PRRX2: variants seen among roughly 807,000 people sequenced by gnomAD.
PRRX2 encodes the protein paired mesoderm homeobox protein 2.
Under a neutral mutation model 18.0 loss-of-function variants are expected in PRRX2, and 11 were observed. The observed-to-expected ratio is 0.61, with a 90% CI of 0.39 to 1.01. The LOEUF (loss-of-function observed/expected upper bound fraction) is 1.01, where lower values mean the gene tolerates loss of function less well. Ranked by LOEUF, PRRX2 falls within the 50% of genes least tolerant of loss-of-function variation. The probability of loss-of-function intolerance (pLI) is 0.01; values close to 1 mark genes in which losing one functional copy is unlikely to be tolerated. For missense variants in PRRX2, 387 were observed against 351.0 expected (o/e 1.10, Z -0.82); for synonymous variants, 177 against 154.8 (o/e 1.14, Z -1.06).
At chr9:129,719,104 G>C in intron 1 of PRRX2, 127 bp from the exon 2 acceptor site, 1 of 872,372 alleles carries the variant, frequency 1.1e-6, no homozygotes, top group Non-Finnish European at 1.7e-6. Flanking sequence ...ATGAGGGAGT[G>C]AATTAAAGGG....
rs750981577 is a variant in PRRX2 at position 129,719,433 on chromosome 9, C to T, written c.447+15C>T. ...CGCGCGTTCAGGTGAGCGCTCAGTC[C>T]CGGGCCTCCCGTGGGAGCGTGCGCG... is the stretch of plus-strand genomic sequence containing the variant. On this transcript the variant is annotated intron_variant, in intron 2 of 3. Coordinates refer to ENST00000372469, the MANE Select transcript of PRRX2 (RefSeq NM_016307.4). The T allele has an allele frequency of 1.3e-6, 2 of 1,498,396 alleles. No individual in the cohort carries two copies. The highest frequency in any genetic ancestry group is 2.5e-5 in the South Asian group (2 of 79,130). The allele number at this position is 1,498,396 out of a possible 1,614,324, so 92.8% of individuals were successfully genotyped here. A position where few individuals can be genotyped will look rare whatever the true frequency, so the allele number is the denominator to read the frequency against.
chr9:129,666,768 G>C (rs1832031831), intron 1 of PRRX2, among the ~76,000 whole-genome samples: 1 of 152,192 alleles, frequency 6.6e-6, no homozygotes, highest in Admixed American at 6.5e-5. Flanking sequence ...GAGGGACGGG[G>C]AGAAGATGGA....
At chr9:129,720,491 A>G in intron 2 of PRRX2, 105 bp from the exon 3 acceptor site, 6 of 1,120,986 alleles carry the variant, frequency 5.4e-6, no homozygotes, top group South Asian at 1.7e-5. Flanking sequence ...CAGAGAGGTG[A>G]CGCTGCCAGC....
intron 1 of PRRX2, among the ~76,000 whole-genome samples, chr9:129,711,794 C>A (rs1205597912): frequency 6.6e-6 from 1 of 152,172 alleles, no homozygotes; most frequent in Non-Finnish European, 1.5e-5. Flanking sequence ...AGAGCCAGAC[C>A]CGGACCGGCC....
chr9:129,672,085 TC>T (rs1832106992), intron 1 of PRRX2, among the ~76,000 whole-genome samples: 1 of 152,112 alleles, frequency 6.6e-6, no homozygotes, highest in Non-Finnish European at 1.5e-5. Context: ...TTGGGGCACT[TC>T]CGTGGTTTCC....
chr9:129,701,495 C>T (rs759199988), intron 1 of PRRX2, among the ~76,000 whole-genome samples: 5 of 152,176 alleles, frequency 3.3e-5, no homozygotes, highest in African/African-American at 1.2e-4. Context: ...TCCAGGAAAG[C>T]GGGATATGGT....
intron 1 of PRRX2, among the ~76,000 whole-genome samples, chr9:129,700,959 T>C (rs1372493080): frequency 6.6e-6 from 1 of 152,178 alleles, no homozygotes; most frequent in East Asian, 1.9e-4. Context: ...CTGACCAACT[T>C]GGTAGCAAAA....
chr9:129,687,028 A>AG (rs1177731028), intron 1 of PRRX2, among the ~76,000 whole-genome samples: 2 of 152,062 alleles, frequency 1.3e-5, no homozygotes, highest in Non-Finnish European at 2.9e-5. Flanking sequence ...CCTGCAGGGA[A>AG]GCCCCCTGCA....
intron 1 of PRRX2, among the ~76,000 whole-genome samples, chr9:129,703,200 A>G (rs4837401): frequency 0.056 from 8,548 of 152,330 alleles, 463 homozygotes; most frequent in East Asian, 0.19. Flanking sequence ...AGGCTGAGAC[A>G]TAGCAGGGGA....
chr9:129,684,532 ACC>A lies in PRRX2; in HGVS notation c.259+18409_259+18410del, dbSNP rs1554723052. 6.6e-4 allele frequency among the ~76,000 whole-genome samples: 92 copies of A among 140,368 alleles called. 6 individuals carry two copies. Among genetic ancestry groups the A allele is most frequent in the African/African-American group, 2.5e-3 (88 of 34,988 alleles). The allele number at this position is 140,368 out of a possible 152,430, so 92.1% of individuals were successfully genotyped here. On this transcript the variant is annotated intron_variant, in intron 1 of 3. Transcript: ENST00000372469. The stretch of plus-strand genomic sequence containing the variant: ...CACACACACACACACACCCACACAC[ACC>A]CCAACAGAAAAGAGACCAGAAATCT...
At chr9:129,718,716 C>T (rs1170790769) in intron 1 of PRRX2, 1 of 152,400 alleles carries the variant, frequency 6.6e-6, no homozygotes, top group African/African-American at 2.4e-5. Flanking sequence ...TGGGAGCTTC[C>T]TAGAATCTGT....
chr9:129,690,040 C>T (rs1344806634), intron 1 of PRRX2, among the ~76,000 whole-genome samples: 1 of 151,990 alleles, frequency 6.6e-6, no homozygotes, highest in Non-Finnish European at 1.5e-5. Context: ...CGTGAGCCAC[C>T]GCGCCTGGCC....
In PRRX2 at chr9:129,695,525, G is replaced by A. The variant is rs1832410095; in HGVS notation, c.260-23706G>A. Among the ~76,000 whole-genome samples, 1 of 152,134 alleles carries A rather than the reference G, an allele frequency of 6.6e-6. No homozygotes were observed. Among genetic ancestry groups the A allele is most frequent in the Non-Finnish European group, 1.5e-5 (1 of 68,032 alleles). The stretch of plus-strand genomic sequence containing the variant: ...CTTGTTGTGTTTACCCCCTTTTCAG[G>A]CCTGCTGGGGAAGGGCTCAGTCTTA... On this transcript the variant is annotated intron_variant, in intron 1 of 3. Coordinates refer to ENST00000372469, the MANE Select transcript of PRRX2 (RefSeq NM_016307.4). The surrounding 1 kb of genome is among the most constrained non-coding windows in gnomAD (Gnocchi z 4.8).
chr9:129,677,191 G>A (rs1328670771), intron 1 of PRRX2, among the ~76,000 whole-genome samples: 3 of 152,236 alleles, frequency 2.0e-5, no homozygotes, highest in Non-Finnish European at 2.9e-5. Flanking sequence ...CGCCCCCAGC[G>A]ATCCCGTTCT....
At chr9:129,676,741 G>A (rs974548273) in intron 1 of PRRX2, among the ~76,000 whole-genome samples, 4 of 152,226 alleles carry the variant, frequency 2.6e-5, no homozygotes, top group Admixed American at 6.5e-5. Flanking sequence ...GCCTCCAGAT[G>A]CAGACATCAT....
chr9:129,669,724 A>C (rs1273172839), intron 1 of PRRX2, among the ~76,000 whole-genome samples: 2 of 152,112 alleles, frequency 1.3e-5, no homozygotes, highest in African/African-American at 4.8e-5. Context: ...GCATCTGTTC[A>C]TAGGGGTGGG....
Position 129,709,377 on chromosome 9 carries a change from T to G in PRRX2, c.260-9854T>G, listed in dbSNP as rs1832592931. Among the ~76,000 whole-genome samples the G allele has an allele frequency of 6.6e-6, 1 of 152,088 alleles. No homozygotes were observed. The highest frequency in any genetic ancestry group is 6.5e-5 in the Admixed American group (1 of 15,278). ...GCTCTGCTGAGGTTTGTGGGGGACA[T>G]GAGGGAACCTCCTCCAGCCTCCTCC... On this transcript the variant is annotated intron_variant, in intron 1 of 3. Transcript: ENST00000372469. This position sits in a 1 kb window ranked among gnomAD's most constrained non-coding sequence, Gnocchi z 4.2.
chr9:129,716,375 C>T (rs184347102), intron 1 of PRRX2, among the ~76,000 whole-genome samples: 5 of 151,856 alleles, frequency 3.3e-5, no homozygotes, highest in Non-Finnish European at 2.9e-5. Flanking sequence ...TGAAGGGCTC[C>T]GGTGTGCTGA....
rs375641043 is a variant in PRRX2, at chr9:129,715,740, G to A, written c.260-3491G>A. Among the ~76,000 whole-genome samples, 9 of 130,892 alleles carry A rather than the reference G, an allele frequency of 6.9e-5. No homozygotes were observed. Among genetic ancestry groups the A allele is most frequent in the African/African-American group, 2.8e-4 (9 of 32,046 alleles). The allele number at this position is 130,892 out of a possible 152,430, so 85.9% of individuals were successfully genotyped here. ...GCAGTGGTCCAAACCCAGCTTCAGGGACATCTTTCTCACACACACACACAC... is the reference window on the plus strand; with the variant it reads ...GCAGTGGTCCAAACCCAGCTTCAGGAACATCTTTCTCACACACACACACAC... On this transcript the variant is annotated intron_variant, in intron 1 of 3. Transcript: ENST00000372469. This position sits in a 1 kb window ranked among gnomAD's most constrained non-coding sequence, Gnocchi z 4.0.
Sources: gnomAD v4.1 joint callset for allele counts (sites outside exome capture counted in the v4.1 genomes callset) on GRCh38, gnomAD v4.1.1 for gene constraint, Gnocchi (gnomAD v3.1) non-coding constraint, MANE v1.5 for transcripts, NCBI Gene and HGNC (gene_info 2026-07-23, HGNC 2026-07-21) for gene names.